The following BRIP1 variants were observed in gnomAD, a reference collection of about 807,000 sequenced individuals.
BRIP1 encodes Fanconi anemia group J protein.
A neutral mutation model predicts 119.7 loss-of-function variants in BRIP1; 88 were observed. The observed-to-expected ratio is 0.74, with a 90% CI of 0.62 to 0.88. The LOEUF (loss-of-function observed/expected upper bound fraction) is 0.88, where lower values mean the gene tolerates loss of function less well. Among genes scored for constraint, BRIP1 ranks in the 40% least tolerant of loss-of-function variants. The pLI is 0.00. For missense variants in BRIP1, 1,259 were observed against 1,455.4 expected, an observed-to-expected ratio of 0.87 and a Z score of 2.20; for synonymous variants, 443 against 496.5, an observed-to-expected ratio of 0.89 and a Z score of 1.43.
Position 61,684,756 on chromosome 17 carries a change from T to C in BRIP1, c.2906-616A>G, listed in dbSNP as rs1195382103. On this transcript the variant is annotated intron_variant, in intron 19 of 19. Transcript: ENST00000259008. This position sits in a 1 kb window ranked among gnomAD's most constrained non-coding sequence, Gnocchi z 4.5. Reference sequence around the variant, plus strand: ...TACAAAATACATGTTTAAAAATTGATGTTTTTCTTTTTTTTAGTCCGAGTT... The same window carrying C: ...TACAAAATACATGTTTAAAAATTGACGTTTTTCTTTTTTTTAGTCCGAGTT... The C allele has an allele frequency of 2.6e-5, 4 of 152,084 alleles. No homozygotes were observed. Among genetic ancestry groups the C allele is most frequent in the Non-Finnish European group, 5.9e-5 (4 of 68,036 alleles). 9.4% of individuals were successfully genotyped at this position (152,084 alleles called of 1,614,324 possible).
At position 61,774,088 on chromosome 17, in the gene BRIP1, A is replaced by G. The variant is rs979259836; in HGVS notation, c.2097+2313T>C. Among the ~76,000 whole-genome samples the G allele has an allele frequency of 6.6e-6, 1 of 152,208 alleles. No individual in the cohort carries two copies. Among genetic ancestry groups the G allele is most frequent in the Admixed American group, 6.5e-5 (1 of 15,276 alleles). On this transcript the variant is annotated intron_variant, in intron 14 of 19. Coordinates refer to ENST00000259008, the MANE Select transcript of BRIP1 (RefSeq NM_032043.3). This position sits in a 1 kb window ranked among gnomAD's most constrained non-coding sequence, Gnocchi z 5.8. ...TGACCCAGTCATCACATTACTGGGT[A>G]TATACCCAAAGGATTATAAATCATG...
At chr17:61,765,829 G>GCACA (rs71150698) in intron 14 of BRIP1, among the ~76,000 whole-genome samples, 26,628 of 146,384 alleles carry the variant, frequency 0.18, 2,614 homozygotes, top group African/African-American at 0.26. Flanking sequence ...CTATATTCAT[G>GCACA]CACACACACA....
rs1603276593 is a variant in BRIP1, at chr17:61,685,905, G to C, written c.2836C>G (p.Leu946Val). 1.9e-6 allele frequency: 3 copies of C among 1,614,036 alleles called. No homozygotes were observed. The highest frequency in any genetic ancestry group is 2.5e-6 in the Non-Finnish European group (3 of 1,179,928). ...EDEAKICVQE[L>V]QCPKIITKNS... ...TTGGTAATAATTTTAGGACACTGTA[G>C]TTCCTGGACACATATCTTTGCTTCA... Residue 946 changes from leucine (L) to valine (V), a missense_variant, in exon 19 of 20, where the codon CTA becomes GTA. By Grantham distance (32) the Leu-to-Val change is conservative. Around this residue, in one of 3 missense-constraint regions of BRIP1, gnomAD observed 753 missense variants for 891.8 expected, o/e 0.84. Coordinates refer to ENST00000259008, the MANE Select transcript of BRIP1 (RefSeq NM_032043.3).
chr17:61,743,041 AT>A lies in BRIP1; in HGVS notation c.2350del (p.Ile784PhefsTer6). The A allele has an allele frequency of 6.2e-7, 1 of 1,614,020 alleles. No individual in the cohort carries two copies. The highest frequency in any genetic ancestry group is 8.5e-7 in the Non-Finnish European group (1 of 1,179,946). On this transcript the variant is annotated frameshift_variant, in exon 16 of 20. Coordinates refer to ENST00000259008, the MANE Select transcript of BRIP1 (RefSeq NM_032043.3). LOFTEE classifies it high-confidence loss of function. The surrounding 1 kb of genome is among the most constrained non-coding windows in gnomAD (Gnocchi z 4.3). ...TAGATCTTTCACATTTGGAAAAGGA[AT>A]TCCTATTGTTATGACAGCACGGGCA... ...DNARAVITIG[I>X]PFPNVKDLQV...
intron 6 of BRIP1, among the ~76,000 whole-genome samples, chr17:61,826,731 TA>T (rs58466965): frequency 0.37 from 27,956 of 75,152 alleles, 3,800 homozygotes; most frequent in East Asian, 0.52. Flanking sequence ...TATTAAAAAG[TA>T]AAAAAAAAAA....
chr17:61,783,430 A>G (rs1354546793), intron 11 of BRIP1, among the ~76,000 whole-genome samples: 7 of 152,176 alleles, frequency 4.6e-5, no homozygotes, highest in Non-Finnish European at 1.0e-4. Flanking sequence ...ATGGGTACAG[A>G]ATTCCTATTT....
rs1033980562 is a variant in BRIP1, at chr17:61,769,418, G to C, written c.2097+6983C>G. On this transcript the variant is annotated intron_variant, in intron 14 of 19. Coordinates refer to ENST00000259008, the MANE Select transcript of BRIP1 (RefSeq NM_032043.3). This position sits in a 1 kb window ranked among gnomAD's most constrained non-coding sequence, Gnocchi z 4.9. ...AGGCTTTCTGTCTTCTGCATGGTCA[G>C]TATCAAACCCCTCTGAAATGAAAAC... 1.3e-5 allele frequency among the ~76,000 whole-genome samples: 2 copies of C among 152,064 alleles called. No homozygotes were observed. Among genetic ancestry groups the C allele is most frequent in the African/African-American group, 4.8e-5 (2 of 41,422 alleles).
chr17:61,779,535 G>A (rs1007766368), intron 13 of BRIP1, among the ~76,000 whole-genome samples: 1 of 152,194 alleles, frequency 6.6e-6, no homozygotes, highest in Non-Finnish European at 1.5e-5. Context: ...CAGGAGAACC[G>A]CTGGAACCCA....
chr17:61,788,595 A>G (rs1484671990), intron 10 of BRIP1, among the ~76,000 whole-genome samples: 1 of 152,322 alleles, frequency 6.6e-6, no homozygotes, highest in East Asian at 1.9e-4. Flanking sequence ...TAATTAACAA[A>G]TGTGACAAAT....
In BRIP1 at chr17:61,809,809, CTACTT is replaced by C. The variant is rs548902778; in HGVS notation, c.628-1057_628-1053del. Among the ~76,000 whole-genome samples the C allele has an allele frequency of 7.8e-4, 118 of 152,232 alleles. 1 individual carries two copies. The highest frequency in any genetic ancestry group is 2.4e-3 in the African/African-American group (100 of 41,546). Reference sequence around the variant, plus strand: ...GTTTTAATTTAGTAGAACAAACACTCTACTTGACTGTTTTTTTTTATTATTGTAAT... The same window carrying C: ...GTTTTAATTTAGTAGAACAAACACTCGACTGTTTTTTTTTATTATTGTAAT... On this transcript the variant is annotated intron_variant, in intron 6 of 19. Coordinates refer to ENST00000259008, the MANE Select transcript of BRIP1 (RefSeq NM_032043.3). The surrounding 1 kb of genome is among the most constrained non-coding windows in gnomAD (Gnocchi z 5.2).
intron 6 of BRIP1, among the ~76,000 whole-genome samples, chr17:61,812,327 C>T (rs1029285193): frequency 1.3e-5 from 2 of 151,982 alleles, no homozygotes; most frequent in Admixed American, 1.3e-4. Flanking sequence ...TTTCCCTTTG[C>T]TGTTTAAATT....
At position 61,720,308 on chromosome 17, in the gene BRIP1, C is replaced by T. The variant is rs116812017; in HGVS notation, c.2380-4245G>A. 5.3e-5 allele frequency among the ~76,000 whole-genome samples: 8 copies of T among 152,186 alleles called. No homozygotes were observed. The highest frequency in any genetic ancestry group is 9.6e-5 in the African/African-American group (4 of 41,526). On this transcript the variant is annotated intron_variant, in intron 16 of 19. Coordinates refer to ENST00000259008, the MANE Select transcript of BRIP1 (RefSeq NM_032043.3). The surrounding 1 kb of genome is among the most constrained non-coding windows in gnomAD (Gnocchi z 4.3). Reference sequence around the variant, plus strand: ...TGATAAATGTTTGAGATGACAGATACGCTAATTACCCTGATCTAATCAATA... The same window carrying T: ...TGATAAATGTTTGAGATGACAGATATGCTAATTACCCTGATCTAATCAATA...
In BRIP1 at chr17:61,776,844, T is replaced by C. The variant is rs1034094160; in HGVS notation, c.1936-282A>G. Among the ~76,000 whole-genome samples, 1 of 152,252 alleles carries C rather than the reference T, an allele frequency of 6.6e-6. No individual in the cohort carries two copies. Among genetic ancestry groups the C allele is most frequent in the African/African-American group, 2.4e-5 (1 of 41,468 alleles). On this transcript the variant is annotated intron_variant, in intron 13 of 19. Coordinates refer to ENST00000259008, the MANE Select transcript of BRIP1 (RefSeq NM_032043.3). The surrounding 1 kb of genome is among the most constrained non-coding windows in gnomAD (Gnocchi z 5.0). ...TTAATAGCTTTGCAAAATTTAAGCATGTAACAAATTTTTGTTAGGTGAATA... is the reference window on the plus strand; with the variant it reads ...TTAATAGCTTTGCAAAATTTAAGCACGTAACAAATTTTTGTTAGGTGAATA...
intron 16 of BRIP1, among the ~76,000 whole-genome samples, chr17:61,741,661 G>A (rs2076988908): frequency 6.6e-6 from 1 of 152,218 alleles, no homozygotes; most frequent in Non-Finnish European, 1.5e-5. Flanking sequence ...TTAATGAGCA[G>A]TAATATTTTG....
Position 61,859,843 on chromosome 17 carries a change from C to A in BRIP1, c.158G>T (p.Ser53Ile), listed in dbSNP as rs751182362. The change falls in exon 3 of 20, where the codon AGC becomes ATC. Residue 53 changes from serine (S) to isoleucine (I), a missense_variant. Transcript: ENST00000259008. ...TAAAGCAGAACAAAGTAAGGCTAAG[C>A]TTTTTCCACTTCCTGTGGGACTCTC... Reference protein sequence around the residue: ...LLESPTGSGKSLALLCSALAW... With the variant: ...LLESPTGSGKILALLCSALAW... The A allele has an allele frequency of 3.1e-6, 5 of 1,613,992 alleles. No individual in the cohort carries two copies. The Admixed American group carries it at 8.3e-5, about 27-fold the overall frequency.
At chr17:61,772,416 G>A (rs2077469351) in intron 14 of BRIP1, among the ~76,000 whole-genome samples, 4 of 151,786 alleles carry the variant, frequency 2.6e-5, no homozygotes, top group Admixed American at 2.6e-4. Context: ...AGGAATCTGG[G>A]GAGTTATTTT....
intron 14 of BRIP1, among the ~76,000 whole-genome samples, chr17:61,771,588 T>C (rs551355265): frequency 3.9e-5 from 6 of 152,046 alleles, no homozygotes; most frequent in Admixed American, 2.0e-4. Flanking sequence ...TGTGGAAAAA[T>C]TGGAATCCTT....
Position 61,743,062 on chromosome 17 carries a change from C to A in BRIP1, c.2330G>T (p.Arg777Leu), listed in dbSNP as rs747568830. The A allele has an allele frequency of 6.2e-7, 1 of 1,613,920 alleles. No individual in the cohort carries two copies. The highest frequency in any genetic ancestry group is 8.5e-7 in the Non-Finnish European group (1 of 1,179,896). Residue 777 changes from arginine to leucine, a missense_variant, in exon 16 of 20, where the codon CGT becomes CTT. By Grantham distance (102) the Arg-to-Leu change is moderately radical. Coordinates refer to ENST00000259008, the MANE Select transcript of BRIP1 (RefSeq NM_032043.3). This position sits in a 1 kb window ranked among gnomAD's most constrained non-coding sequence, Gnocchi z 4.3. ...EGLDFSDDNA[R>L]AVITIGIPFP... ...AGGAATTCCTATTGTTATGACAGCA[C>A]GGGCATTGTCATCTGAGAAATCCAG...
rs1016574250 is a variant in BRIP1 at position 61,860,591 on chromosome 17, C to T, written c.94-684G>A. 3.3e-5 allele frequency among the ~76,000 whole-genome samples: 5 copies of T among 152,214 alleles called. No individual in the cohort carries two copies. In the East Asian group the frequency reaches 7.7e-4, roughly 23 times the overall value. ...AGGAGAATAGCTTCAGCCTGGGAGG[C>T]AGGGGTTGCAGTGAGCCAAGATCGC... On this transcript the variant is annotated intron_variant, in intron 2 of 19. Transcript: ENST00000259008. This position sits in a 1 kb window ranked among gnomAD's most constrained non-coding sequence, Gnocchi z 4.1.
Sources: allele counts gnomAD v4.1 joint callset (sites outside exome capture counted in the v4.1 genomes callset), GRCh38; gene constraint gnomAD v4.1.1; regional missense constraint gnomAD v4.1.1; non-coding constraint Gnocchi (gnomAD v3.1); transcripts MANE v1.5; gene names NCBI Gene and HGNC (gene_info 2026-07-23, HGNC 2026-07-21).